SEC24A: variants seen among roughly 807,000 people sequenced by gnomAD.
The protein encoded by SEC24A is SEC24 homolog A, COPII component.
SEC24A carries 93 observed loss-of-function variants against 129.4 expected under a neutral mutation model. The observed-to-expected ratio is 0.72, with a 90% CI of 0.61 to 0.85. SEC24A has a LOEUF of 0.85. SEC24A is among the 40% of genes least tolerant of loss of function. SEC24A has a pLI of 0.00. For missense variants in SEC24A, 1,264 were observed against 1,307.4 expected (o/e 0.97, Z 0.51); for synonymous variants, 460 against 467.3 (o/e 0.98, Z 0.20).
At chr5:134,688,324 A>AAC in intron 11 of SEC24A, 25 bp downstream of exon 11, 1 of 1,336,898 alleles carries the variant, frequency 7.5e-7, no homozygotes, top group Non-Finnish European at 1.1e-6. Context: ...AACTACTTTC[A>AAC]TAATTTTTCA....
At chr5:134,665,310 C>T (rs900520959) in intron 2 of SEC24A, among the ~76,000 whole-genome samples, 5 of 150,500 alleles carry the variant, frequency 3.3e-5, no homozygotes, top group African/African-American at 4.9e-5. Flanking sequence ...AAAAATTAGC[C>T]GGGCGTGGTG....
At chr5:134,654,184 A>T (rs1358600431) in intron 1 of SEC24A, among the ~76,000 whole-genome samples, 1 of 151,762 alleles carries the variant, frequency 6.6e-6, no homozygotes, top group East Asian at 1.9e-4. Flanking sequence ...AATAAAAAAC[A>T]AAAGACCTAA....
chr5:134,709,020 A>G (rs1752245472), intron 18 of SEC24A, 132 bp downstream of exon 18: 1 of 808,738 alleles, frequency 1.2e-6, no homozygotes, highest in Admixed American at 2.7e-5. Context: ...AGCCTGGGCA[A>G]TATGGTGAAA....
At chr5:134,724,235 T>C (rs1343413046) in intron 22 of SEC24A, among the ~76,000 whole-genome samples, 2 of 152,226 alleles carry the variant, frequency 1.3e-5, no homozygotes, top group Admixed American at 1.3e-4. Flanking sequence ...TGTTTGTCTC[T>C]CTGTGCCTGG....
intron 15 of SEC24A, among the ~76,000 whole-genome samples, chr5:134,701,597 G>C (rs576907964): frequency 1.5e-3 from 223 of 150,858 alleles, no homozygotes; most frequent in African/African-American, 5.3e-3. Context: ...TGCAACCTTC[G>C]CCTCCCGGGG....
chr5:134,663,650 C>G (rs897360627), intron 2 of SEC24A, among the ~76,000 whole-genome samples: 2 of 151,824 alleles, frequency 1.3e-5, no homozygotes, highest in East Asian at 1.9e-4. Flanking sequence ...ATAGCAAGAC[C>G]CCATCTCTAT....
chr5:134,670,415 A>C (rs1750816472), intron 3 of SEC24A, among the ~76,000 whole-genome samples: 1 of 152,182 alleles, frequency 6.6e-6, no homozygotes, highest in Non-Finnish European at 1.5e-5. Flanking sequence ...TGAAGTTAGC[A>C]GTTTTGTACT....
At chr5:134,691,251 C>T (rs1361407448) in intron 11 of SEC24A, among the ~76,000 whole-genome samples, 1 of 150,474 alleles carries the variant, frequency 6.6e-6, no homozygotes, top group African/African-American at 2.5e-5. Flanking sequence ...TGGCTCACTG[C>T]AAACTCTGCC....
At chr5:134,713,769 G>A (rs990510572) in intron 18 of SEC24A, among the ~76,000 whole-genome samples, 4 of 151,194 alleles carry the variant, frequency 2.6e-5, no homozygotes, top group African/African-American at 9.7e-5. Flanking sequence ...GGTGGCTCAC[G>A]CCTGTAATCC....
intron 16 of SEC24A, 127 bp downstream of exon 16, chr5:134,704,059 T>A (rs937063574): frequency 1.7e-5 from 6 of 360,662 alleles, no homozygotes; most frequent in Admixed American, 1.3e-4. Flanking sequence ...TGTTTTTATT[T>A]ATTTATTTAT....
intron 2 of SEC24A, among the ~76,000 whole-genome samples, chr5:134,662,521 G>A (rs1750509763): frequency 6.6e-6 from 1 of 152,130 alleles, no homozygotes; most frequent in African/African-American, 2.4e-5. Context: ...TCAAGTTTAT[G>A]AAATAGTGTA....
chr5:134,696,860 T>G (rs1313949650), intron 13 of SEC24A, among the ~76,000 whole-genome samples: 1 of 150,974 alleles, frequency 6.6e-6, no homozygotes, highest in African/African-American at 2.4e-5. Context: ...ACTCCTGGGC[T>G]CAAGCAGTCC....
At position 134,655,614 on chromosome 5, in the gene SEC24A, G is replaced by C. The variant is rs906083275; in HGVS notation, c.98-5505G>C. Among the ~76,000 whole-genome samples the C allele has an allele frequency of 2.6e-5, 4 of 152,058 alleles. No individual in the cohort carries two copies. The South Asian group carries it at 8.3e-4, about 32-fold the overall frequency. Reference sequence around the variant, plus strand: ...ACCCGAGAGGTGGAGGTTGCAGTGAGCCGAGATCATGACATTGCACTGCAG... The same window carrying C: ...ACCCGAGAGGTGGAGGTTGCAGTGACCCGAGATCATGACATTGCACTGCAG... On this transcript the variant is annotated intron_variant, in intron 1 of 22. Transcript: ENST00000398844.
chr5:134,708,220 A>G (rs890321404), intron 17 of SEC24A, among the ~76,000 whole-genome samples: 1 of 152,192 alleles, frequency 6.6e-6, no homozygotes, highest in African/African-American at 2.4e-5. Flanking sequence ...CTATAATCCC[A>G]ACACTTTGGG....
Position 134,661,230 on chromosome 5 carries a change from T to G in SEC24A, c.209T>G (p.Val70Gly). The change falls in exon 2 of 23, where the codon GTC becomes GGC. Residue 70 changes from valine to glycine, a missense_variant. Transcript: ENST00000398844. The part of the protein sequence containing the change: ...HPIPAKTLNP[V>G]SGQSNYGGSQ... The stretch of plus-strand genomic sequence containing the variant: ...ATACCAGCAAAGACTTTGAATCCAG[T>G]CTCTGGACAGTCTAACTATGGTGGT... The G allele has an allele frequency of 6.2e-7, 1 of 1,614,138 alleles. No homozygotes were observed. Among genetic ancestry groups the G allele is most frequent in the African/African-American group, 1.3e-5 (1 of 75,038 alleles).
intron 2 of SEC24A, among the ~76,000 whole-genome samples, chr5:134,665,245 G>A (rs1482808132): frequency 6.6e-6 from 1 of 151,378 alleles, no homozygotes; most frequent in Non-Finnish European, 1.5e-5. Flanking sequence ...TCAGGAGTTT[G>A]AGATCAGCCT....
intron 11 of SEC24A, among the ~76,000 whole-genome samples, chr5:134,690,534 C>T (rs1230826470): frequency 6.6e-6 from 1 of 152,212 alleles, no homozygotes; most frequent in East Asian, 1.9e-4. Context: ...AGGCTGGTCT[C>T]AAACTCCTGG....
At position 134,693,069 on chromosome 5, in the gene SEC24A, C is replaced by T. The variant is rs192456477; in HGVS notation, c.1779+412C>T. On this transcript the variant is annotated intron_variant, in intron 12 of 22. Coordinates refer to ENST00000398844, the MANE Select transcript of SEC24A (RefSeq NM_021982.3). ...TCAGTTCAGAAGAAACTCTTATTAC[C>T]TGCCTGGAAATTGCCATGAGATAAT... is the stretch of plus-strand genomic sequence containing the variant. The T allele has an allele frequency of 5.9e-5, 91 of 1,535,992 alleles. No individual in the cohort carries two copies. The Admixed American group carries it at 1.8e-3, about 30-fold the overall frequency.
At chr5:134,695,820 G>C (rs928941820) in intron 13 of SEC24A, among the ~76,000 whole-genome samples, 1 of 151,508 alleles carries the variant, frequency 6.6e-6, no homozygotes, top group Admixed American at 6.6e-5. Flanking sequence ...TGGGGGTGGC[G>C]GTGTGCACCT....
Sources: gnomAD v4.1 joint callset for allele counts (sites outside exome capture counted in the v4.1 genomes callset) on GRCh38, gnomAD v4.1.1 for gene constraint, MANE v1.5 for transcripts, NCBI Gene and HGNC (gene_info 2026-07-23, HGNC 2026-07-21) for gene names.